The following CSNK1G2 variants were observed in gnomAD, a reference collection of about 807,000 sequenced individuals.
CSNK1G2 encodes the protein casein kinase I isoform gamma-2.
A neutral mutation model predicts 48.0 loss-of-function variants in CSNK1G2; 11 were observed. That is an observed-to-expected ratio of 0.23 (90% confidence interval 0.14 to 0.38). CSNK1G2 has a LOEUF of 0.38. Among genes scored for constraint, CSNK1G2 ranks in the 10% least tolerant of loss-of-function variants. CSNK1G2 has a pLI of 1.00. For synonymous variants in CSNK1G2, 337 were observed against 254.1 expected (o/e 1.33, Z -3.10); for missense variants, 446 against 595.5 (o/e 0.75, Z 2.61).
chr19:1,957,037 C>T lies in CSNK1G2; in HGVS notation c.-265-12471C>T, dbSNP rs1049876027. Among the ~76,000 whole-genome samples the T allele has an allele frequency of 6.6e-6, 1 of 152,166 alleles. No individual in the cohort carries two copies. The highest frequency in any genetic ancestry group is 2.4e-5 in the African/African-American group (1 of 41,452). On this transcript the variant is annotated intron_variant, in intron 1 of 11. Coordinates refer to ENST00000255641, the MANE Select transcript of CSNK1G2 (RefSeq NM_001319.7). This position sits in a 1 kb window ranked among gnomAD's most constrained non-coding sequence, Gnocchi z 5.4. ...GAGGGAAGGCTGGTGGTGGCGCCCC[C>T]CTTCGACGGTCGTGCCCTGATGCTG...
At chr19:1,941,633 T>A (rs2014365607) in intron 1 of CSNK1G2, among the ~76,000 whole-genome samples, 1 of 114,414 alleles carries the variant, frequency 8.7e-6, no homozygotes, top group Non-Finnish European at 1.8e-5. Context: ...CAACACCCCG[T>A]TGACCCTGCA....
chr19:1,946,985 C>A (rs977656721), intron 1 of CSNK1G2, among the ~76,000 whole-genome samples: 1 of 151,886 alleles, frequency 6.6e-6, no homozygotes, highest in African/African-American at 2.4e-5. Flanking sequence ...AACTCCTGAC[C>A]TCAGGTGATC....
In CSNK1G2 at chr19:1,978,727, G is replaced by C. The variant is rs1174328778; in HGVS notation, c.424G>C (p.Val142Leu). The change falls in exon 5 of 12, where the codon GTG (valine) becomes CTG (leucine). Residue 142 changes from valine to leucine, a missense_variant. Val to Leu is a conservative substitution (Grantham distance 32). This residue lies in a region of CSNK1G2 where 258 missense variants were observed against 415.9 expected (regional missense o/e 0.62). Transcript: ENST00000255641. This position sits in a 1 kb window ranked among gnomAD's most constrained non-coding sequence, Gnocchi z 7.3. Reference sequence around the variant, plus strand: ...CGACCGGACCTTCACGCTCAAGACGGTGCTGATGATCGCCATCCAGCTGGT... The same window carrying C: ...CGACCGGACCTTCACGCTCAAGACGCTGCTGATGATCGCCATCCAGCTGGT... Reference protein sequence around the residue: ...LCDRTFTLKTVLMIAIQLITR... With the variant: ...LCDRTFTLKTLLMIAIQLITR... The C allele has an allele frequency of 6.3e-7, 1 of 1,597,810 alleles. No homozygotes were observed. The highest frequency in any genetic ancestry group is 8.5e-7 in the Non-Finnish European group (1 of 1,172,450).
At chr19:1,977,364 G>A (rs114889441) in intron 2 of CSNK1G2, among the ~76,000 whole-genome samples, 2,040 of 152,268 alleles carry the variant, frequency 0.013, 58 homozygotes, top group African/African-American at 0.047. Flanking sequence ...GGGTGGGGCC[G>A]TGCCCCCTCC....
chr19:1,944,085 G>A (rs113005968), intron 1 of CSNK1G2, among the ~76,000 whole-genome samples: 146 of 152,218 alleles, frequency 9.6e-4, no homozygotes, highest in African/African-American at 3.3e-3. Context: ...CGGTGGTGGC[G>A]GGCAGCTGTG....
intron 2 of CSNK1G2, among the ~76,000 whole-genome samples, chr19:1,977,970 G>A (rs1430378577): frequency 6.6e-6 from 1 of 152,012 alleles, no homozygotes; most frequent in Non-Finnish European, 1.5e-5. Flanking sequence ...GAAAGGGGTG[G>A]AGGAGTGTGG....
chr19:1,946,030 C>CG (rs1257303222), intron 1 of CSNK1G2, among the ~76,000 whole-genome samples: 3 of 152,080 alleles, frequency 2.0e-5, no homozygotes, highest in Non-Finnish European at 4.4e-5. Flanking sequence ...ACTCTTGTTA[C>CG]GGCAGATTCC....
intron 1 of CSNK1G2, among the ~76,000 whole-genome samples, chr19:1,946,235 C>G (rs890608018): frequency 6.6e-6 from 1 of 151,262 alleles, no homozygotes; most frequent in African/African-American, 2.4e-5. Flanking sequence ...TCGGGGGTCA[C>G]GGGCCAGGGC....
At chr19:1,965,817 G>C (rs2015348110) in intron 1 of CSNK1G2, among the ~76,000 whole-genome samples, 1 of 151,868 alleles carries the variant, frequency 6.6e-6, no homozygotes, top group Non-Finnish European at 1.5e-5. Context: ...GTGTTTTTGA[G>C]GCACGGTCTC....
chr19:1,970,841 G>A (rs1404049899), intron 2 of CSNK1G2, among the ~76,000 whole-genome samples: 5 of 152,188 alleles, frequency 3.3e-5, no homozygotes, highest in South Asian at 2.1e-4. Context: ...GGGCAGGTCC[G>A]AGAGGCCACG....
At chr19:1,955,558 C>CGGGGTGGGCGTGTGCCAGGGT (rs2014963082) in intron 1 of CSNK1G2, among the ~76,000 whole-genome samples, 1 of 152,108 alleles carries the variant, frequency 6.6e-6, no homozygotes, top group African/African-American at 2.4e-5. Flanking sequence ...CGAGGCTCCG[C>CGGGGTGGGCGTGTGCCAGGGT]GAGTCGGGGG....
chr19:1,967,407 G>C (rs2015397347), intron 1 of CSNK1G2, among the ~76,000 whole-genome samples: 1 of 152,158 alleles, frequency 6.6e-6, no homozygotes, highest in Non-Finnish European at 1.5e-5. Context: ...GCAAACTGTG[G>C]TCCCCCTTCT....
Position 1,946,289 on chromosome 19 carries a change from T to TATTTATTTATTTATTATTTATTTA in CSNK1G2, c.-266+4871_-266+4872insATTTATTTATTTATTATTTATTTA, listed in dbSNP as rs56098852. ...TCGTTTATTTATTTATTTATTTATT[T>TATTTATTTATTTATTATTTATTTA]TTTATTTATTTATTTTTTTTAAGAT... On this transcript the variant is annotated intron_variant, in intron 1 of 11. Coordinates refer to ENST00000255641, the MANE Select transcript of CSNK1G2 (RefSeq NM_001319.7). Among the ~76,000 whole-genome samples, 523 of 143,812 alleles carry TATTTATTTATTTATTATTTATTTA rather than the reference T, an allele frequency of 3.6e-3. 2 individuals carry two copies. The highest frequency in any genetic ancestry group is 7.5e-3 in the East Asian group (37 of 4,934). The allele number at this position is 143,812 out of a possible 152,430, so 94.3% of individuals were successfully genotyped here. A position where few individuals can be genotyped will look rare whatever the true frequency, so the allele number is the denominator to read the frequency against.
intron 1 of CSNK1G2, among the ~76,000 whole-genome samples, chr19:1,943,915 G>C (rs936520750): frequency 2.0e-5 from 3 of 152,228 alleles, no homozygotes; most frequent in Non-Finnish European, 4.4e-5. Flanking sequence ...CAGCGCTGTG[G>C]GTGCTGTTGG....
At chr19:1,967,167 G>A (rs1237730995) in intron 1 of CSNK1G2, among the ~76,000 whole-genome samples, 3 of 152,208 alleles carry the variant, frequency 2.0e-5, no homozygotes, top group Non-Finnish European at 4.4e-5. Context: ...CGGAACCCAA[G>A]GCCTGTGATC....
rs1413072181 is a variant in CSNK1G2, at chr19:1,980,000, G to A, written c.1176G>A (p.Glu392=). The part of the protein sequence containing the change: ...NAPITAPAEV[E]VADETKCCCF... The stretch of plus-strand genomic sequence containing the variant: ...CGATCACAGCGCCTGCAGAGGTGGA[G>A]GTGGCCGATGAAACCAAGTAAGGCT... Residue 392 remains glutamate (E), a synonymous_variant, in exon 11 of 12, where the codon GAG becomes GAA. Coordinates refer to ENST00000255641, the MANE Select transcript of CSNK1G2 (RefSeq NM_001319.7). The A allele has an allele frequency of 1.9e-6, 3 of 1,579,734 alleles. No individual in the cohort carries two copies. The highest frequency in any genetic ancestry group is 3.6e-5 in the Admixed American group (2 of 56,060).
intron 1 of CSNK1G2, among the ~76,000 whole-genome samples, chr19:1,958,895 CCCCCCGTCCCCCCCA>C (rs1301533301): frequency 2.5e-5 from 1 of 39,292 alleles, no homozygotes; most frequent in Non-Finnish European, 5.4e-5. Flanking sequence ...TGTCCCCCCT[CCCCCCGTCCCCCCCA>C]CCCCCGTCCA....
At chr19:1,944,814 A>G (rs2014495611) in intron 1 of CSNK1G2, among the ~76,000 whole-genome samples, 1 of 151,970 alleles carries the variant, frequency 6.6e-6, no homozygotes, top group Non-Finnish European at 1.5e-5. Context: ...GGATTGAGTG[A>G]GGGGTGGGGC....
chr19:1,969,960 G>C lies in CSNK1G2; in HGVS notation c.187+1G>C. On this transcript the variant is annotated splice_donor_variant, in intron 2 of 11. Transcript: ENST00000255641. LOFTEE classifies it high-confidence loss of function. ...GGCAACTTCGGGGAGCTCCGCCTAGGTGAGGCCCTGCTCGGTGGTAGGTGG... is the reference window on the plus strand; with the variant it reads ...GGCAACTTCGGGGAGCTCCGCCTAGCTGAGGCCCTGCTCGGTGGTAGGTGG... 1 of 1,305,654 alleles carries C rather than the reference G, an allele frequency of 7.7e-7. No individual in the cohort carries two copies. The highest frequency in any genetic ancestry group is 2.8e-5 in the East Asian group (1 of 35,690). 80.9% of individuals were successfully genotyped at this position (1,305,654 alleles called of 1,614,324 possible).
Sources: gnomAD v4.1 joint callset for allele counts (sites outside exome capture counted in the v4.1 genomes callset) on GRCh38, gnomAD v4.1.1 for gene constraint, gnomAD v4.1.1 regional missense constraint, Gnocchi (gnomAD v3.1) non-coding constraint, MANE v1.5 for transcripts, NCBI Gene and HGNC (gene_info 2026-07-23, HGNC 2026-07-21) for gene names.